The following SCHIP1 variants were observed in gnomAD, a reference collection of about 807,000 sequenced individuals.
SCHIP1 encodes schwannomin-interacting protein 1.
In SCHIP1, 8 loss-of-function variants were observed where a neutral mutation model predicts 29.7. That is an observed-to-expected ratio of 0.27 (90% confidence interval 0.16 to 0.49). The LOEUF is 0.49. SCHIP1 is among the 20% of genes least tolerant of loss of function. The pLI is 0.99. For synonymous variants in SCHIP1, 76 were observed against 94.9 expected (o/e 0.80, Z 1.16); for missense variants, 193 against 294.6 (o/e 0.66, Z 2.52).
At chr3:159,807,628 T>C in the SCHIP1 span, among the ~76,000 whole-genome samples, 1 of 152,306 alleles carries the variant, frequency 6.6e-6, no homozygotes, top group East Asian at 1.9e-4. Flanking sequence ...GTGTGCTGAA[T>C]AGATGATCTC....
chr3:159,663,323 G>A, the SCHIP1 span, among the ~76,000 whole-genome samples: 1 of 152,156 alleles, frequency 6.6e-6, no homozygotes. Context: ...CTGTTGGTAG[G>A]ACAGGTGAGG....
At chr3:159,273,286 T>C in the SCHIP1 span, 2 of 985,912 alleles carry the variant, frequency 2.0e-6, no homozygotes, top group African/African-American at 3.5e-5. Context: ...TGATTTCTGC[T>C]GTGATAATCT....
At chr3:159,390,246 G>T in the SCHIP1 span, among the ~76,000 whole-genome samples, 1 of 151,746 alleles carries the variant, frequency 6.6e-6, no homozygotes, top group Non-Finnish European at 1.5e-5. Context: ...TACTAAAGTG[G>T]TTAACTTTTA....
chr3:159,738,014 C>A, the SCHIP1 span, among the ~76,000 whole-genome samples: 7 of 152,088 alleles, frequency 4.6e-5, no homozygotes, highest in African/African-American at 1.7e-4. Context: ...CCAGAGGAAA[C>A]AATAAATTTA....
chr3:159,343,857 CAG>C, the SCHIP1 span, among the ~76,000 whole-genome samples: 2 of 152,068 alleles, frequency 1.3e-5, no homozygotes, highest in Non-Finnish European at 2.9e-5. Flanking sequence ...AGAATATAAA[CAG>C]AGGCATATTA....
chr3:159,424,963 A>G, the SCHIP1 span, among the ~76,000 whole-genome samples: 1 of 152,232 alleles, frequency 6.6e-6, no homozygotes, highest in South Asian at 2.1e-4. Context: ...TGAAGGAGAA[A>G]TAAAATACTT....
chr3:159,303,490 G>T, the SCHIP1 span, among the ~76,000 whole-genome samples: 1 of 150,382 alleles, frequency 6.6e-6, no homozygotes, highest in South Asian at 2.1e-4. Flanking sequence ...GAAAGAGAAA[G>T]AAAAGAATAG....
the SCHIP1 span, among the ~76,000 whole-genome samples, chr3:159,482,329 T>C: frequency 6.6e-6 from 1 of 152,128 alleles, no homozygotes; most frequent in Non-Finnish European, 1.5e-5. Flanking sequence ...GAAGGACGTA[T>C]GAATACTTTT....
At chr3:159,506,772 G>T in the SCHIP1 span, among the ~76,000 whole-genome samples, 1 of 152,168 alleles carries the variant, frequency 6.6e-6, no homozygotes, top group African/African-American at 2.4e-5. Context: ...AGACCAGATA[G>T]TTGTAGACGT....
chr3:159,669,453 T>G, the SCHIP1 span, among the ~76,000 whole-genome samples: 2 of 152,222 alleles, frequency 1.3e-5, no homozygotes, highest in Non-Finnish European at 2.9e-5. Flanking sequence ...AGGAAGGTCT[T>G]TAAGATGGAT....
At chr3:159,399,001 A>T in the SCHIP1 span, 1 of 959,662 alleles carries the variant, frequency 1.0e-6, no homozygotes, top group Non-Finnish European at 1.2e-6. Flanking sequence ...AACTGTTCCC[A>T]CTCTAACCTT....
At chr3:159,398,313 G>A in the SCHIP1 span, among the ~76,000 whole-genome samples, 4,102 of 152,122 alleles carry the variant, frequency 0.027, 71 homozygotes, top group East Asian at 0.11. Context: ...GGAGCTGTAG[G>A]CCAGAGCTGT....
chr3:159,684,011 A>T, the SCHIP1 span, among the ~76,000 whole-genome samples: 1 of 152,100 alleles, frequency 6.6e-6, no homozygotes, highest in Admixed American at 6.6e-5. Flanking sequence ...CCAGGAAGAG[A>T]CTGCCTCTCC....
At chr3:159,677,757 C>A in the SCHIP1 span, among the ~76,000 whole-genome samples, 1 of 152,190 alleles carries the variant, frequency 6.6e-6, no homozygotes, top group Non-Finnish European at 1.5e-5. Flanking sequence ...GCAAGACCAG[C>A]TGAGCTGCCT....
At chr3:159,850,786 T>G (rs187917406) in intron 1 of SCHIP1, among the ~76,000 whole-genome samples, 114 of 151,604 alleles carry the variant, frequency 7.5e-4, no homozygotes, top group Admixed American at 1.4e-3. Flanking sequence ...TCATGAGAAC[T>G]CTTATCACCA....
At chr3:159,888,971 G>C in intron 5 of SCHIP1, 28 bp downstream of exon 6, 1 of 1,610,114 alleles carries the variant, frequency 6.2e-7, no homozygotes, top group South Asian at 1.1e-5. Context: ...TTGAAAATAG[G>C]ATATTCAATG....
At chr3:159,610,784 T>C in the SCHIP1 span, among the ~76,000 whole-genome samples, 2 of 152,112 alleles carry the variant, frequency 1.3e-5, no homozygotes, top group Admixed American at 6.5e-5. Context: ...GATGGTTTAA[T>C]TGTGCTGTAA....
At chr3:159,895,044 A>G (rs1717923665) in intron 6 of SCHIP1, among the ~76,000 whole-genome samples, 1 of 152,228 alleles carries the variant, frequency 6.6e-6, no homozygotes, top group East Asian at 1.9e-4. Context: ...AATTAGCTAC[A>G]GTGGAATCAA....
chr3:159,728,527 T>G, the SCHIP1 span, among the ~76,000 whole-genome samples: 1 of 152,206 alleles, frequency 6.6e-6, no homozygotes. Flanking sequence ...TGGCATCAGC[T>G]GTCTTATGAG....
Sources: gnomAD v4.1 joint callset for allele counts (sites outside exome capture counted in the v4.1 genomes callset) on GRCh38, gnomAD v4.1.1 for gene constraint, MANE v1.5 for transcripts, NCBI Gene and HGNC (gene_info 2026-07-23, HGNC 2026-07-21) for gene names.